The following ZMIZ1 variants were observed in gnomAD, a reference collection of about 807,000 sequenced individuals.
The protein encoded by ZMIZ1 is zinc finger MIZ-type containing 1, also known as zinc finger MIZ domain-containing protein 1.
ZMIZ1 carries 17 observed loss-of-function variants against 113.9 expected under a neutral mutation model. That is an observed-to-expected ratio of 0.15 (90% confidence interval 0.10 to 0.22). The LOEUF is 0.22. ZMIZ1 is among the 10% of genes least tolerant of loss of function. The probability of loss-of-function intolerance (pLI) is 1.00; values close to 1 mark genes in which losing one functional copy is unlikely to be tolerated. For missense variants in ZMIZ1, 1,059 were observed against 1,477.8 expected, an observed-to-expected ratio of 0.72 and a Z score of 4.65; for synonymous variants, 607 against 603.1, an observed-to-expected ratio of 1.01 and a Z score of -0.09.
intron 3 of ZMIZ1, among the ~76,000 whole-genome samples, chr10:79,156,478 G>T (rs1219994374): frequency 6.6e-6 from 1 of 152,202 alleles, no homozygotes; most frequent in Non-Finnish European, 1.5e-5. Flanking sequence ...CTTCCCAGCA[G>T]GTCAGCCCAG....
chr10:79,086,766 T>C (rs1316375570), intron 1 of ZMIZ1, among the ~76,000 whole-genome samples: 1 of 152,120 alleles, frequency 6.6e-6, no homozygotes, highest in Admixed American at 6.5e-5. Context: ...TTTTTATTTT[T>C]ATTTTTTTTA....
intron 7 of ZMIZ1, among the ~76,000 whole-genome samples, chr10:79,267,360 A>G (rs985524517): frequency 2.0e-5 from 3 of 152,246 alleles, no homozygotes; most frequent in African/African-American, 7.2e-5. Flanking sequence ...GCAATTTTCT[A>G]CAGTACTTAG....
intron 2 of ZMIZ1, among the ~76,000 whole-genome samples, chr10:79,122,013 GA>G (rs890599898): frequency 1.9e-4 from 29 of 151,202 alleles, no homozygotes; most frequent in Non-Finnish European, 1.5e-5. Context: ...CTTTGTTCAT[GA>G]ATTACAAAGG....
At chr10:79,164,113 T>C (rs1434276675) in intron 4 of ZMIZ1, among the ~76,000 whole-genome samples, 1 of 152,152 alleles carries the variant, frequency 6.6e-6, no homozygotes, top group Admixed American at 6.5e-5. Flanking sequence ...ATCAATACCT[T>C]GGTGTCCTAG....
intron 7 of ZMIZ1, among the ~76,000 whole-genome samples, chr10:79,263,744 G>C (rs908316520): frequency 6.6e-6 from 1 of 152,104 alleles, no homozygotes; most frequent in Admixed American, 6.5e-5. Context: ...CAAATCAAGG[G>C]AGTACATGAC....
chr10:79,221,657 A>G (rs1399803295), intron 7 of ZMIZ1, among the ~76,000 whole-genome samples: 1 of 152,094 alleles, frequency 6.6e-6, no homozygotes, highest in Admixed American at 6.6e-5. Context: ...ACCAAGCACC[A>G]GGCAGTCGCC....
chr10:79,087,969 G>T (rs1324021207), intron 1 of ZMIZ1, among the ~76,000 whole-genome samples: 1 of 152,202 alleles, frequency 6.6e-6, no homozygotes, highest in African/African-American at 2.4e-5. Flanking sequence ...CTGGCTCCCT[G>T]TCACCCAGCA....
chr10:79,289,205 G>A (rs1252668375), intron 8 of ZMIZ1, among the ~76,000 whole-genome samples: 4 of 152,138 alleles, frequency 2.6e-5, no homozygotes, highest in Non-Finnish European at 5.9e-5. Context: ...TGTGCAGCAG[G>A]TAGGCCTGTA....
chr10:79,092,589 G>A (rs944798981), intron 1 of ZMIZ1, among the ~76,000 whole-genome samples: 1 of 152,226 alleles, frequency 6.6e-6, no homozygotes, highest in Non-Finnish European at 1.5e-5. Flanking sequence ...CTCCTTATAA[G>A]CCTTGGAACC....
intron 4 of ZMIZ1, among the ~76,000 whole-genome samples, chr10:79,199,506 A>C (rs1158719853): frequency 7.0e-6 from 1 of 141,930 alleles, no homozygotes; most frequent in Non-Finnish European, 1.5e-5. Context: ...ACTCCATCTC[A>C]AAAAAAAAAA....
intron 1 of ZMIZ1, among the ~76,000 whole-genome samples, chr10:79,080,023 GGTT>G (rs1220763468): frequency 2.0e-5 from 3 of 152,326 alleles, no homozygotes; most frequent in East Asian, 1.9e-4. Context: ...CCTTAGCTGG[GGTT>G]GTTGTGCTGT....
chr10:79,292,345 C>G lies in ZMIZ1; in HGVS notation c.946C>G (p.Gln316Glu). 1 of 1,606,846 alleles carries G rather than the reference C, an allele frequency of 6.2e-7. No homozygotes were observed. The highest frequency in any genetic ancestry group is 8.5e-7 in the Non-Finnish European group (1 of 1,174,462). ...GGAGACACAGAACAAGGATATAAAC[C>G]AGTATGGACCGGTAAGGGTTCCCAC... ...LQETQNKDIN[Q>E]YGPMGPTQAY... The change falls in exon 11 of 25, where the codon CAG becomes GAG. Residue 316 changes from glutamine (Q) to glutamate (E), a missense_variant. Physicochemically the swap from Gln to Glu is conservative, Grantham distance 29 (BLOSUM62 2). Around this residue, in one of 6 missense-constraint regions of ZMIZ1, gnomAD observed 83 missense variants for 103.7 expected, o/e 0.80. Coordinates refer to ENST00000334512, the MANE Select transcript of ZMIZ1 (RefSeq NM_020338.4).
intron 6 of ZMIZ1, among the ~76,000 whole-genome samples, chr10:79,209,300 G>C (rs1051686492): frequency 6.6e-6 from 1 of 152,202 alleles, no homozygotes; most frequent in Non-Finnish European, 1.5e-5. Context: ...AGGAAGGGTC[G>C]AGGCTGCAAG....
chr10:79,305,574 T>A lies in ZMIZ1; in HGVS notation c.2396T>A (p.Met799Lys). ...GAGGGCCTGGAGGTGGATCAGTACA[T>A]GTGGGGAATCCTGAATGCCATCCAA... ...LLEGLEVDQY[M>K]WGILNAIQHS... The change falls in exon 21 of 25, where the codon ATG (methionine) becomes AAG (lysine). Residue 799 changes from methionine (M) to lysine (K), a missense_variant. Physicochemically the swap from Met to Lys is moderately conservative, Grantham distance 95. Coordinates refer to ENST00000334512, the MANE Select transcript of ZMIZ1 (RefSeq NM_020338.4). 2 of 1,613,952 alleles carry A rather than the reference T, an allele frequency of 1.2e-6. No individual in the cohort carries two copies. Among genetic ancestry groups the A allele is most frequent in the Non-Finnish European group, 1.7e-6 (2 of 1,179,956 alleles).
rs561713446 is a variant in ZMIZ1, at chr10:79,122,392, C to T, written c.-227+3368C>T. 1.8e-4 allele frequency among the ~76,000 whole-genome samples: 27 copies of T among 152,268 alleles called. 1 individual carries two copies. In the South Asian group the frequency reaches 4.6e-3, roughly 26 times the overall value. ...CTGACCCACCCCATTTACCTTCCAG[C>T]GCTGCCCCTGTCTACCTTGGTGGCC... On this transcript the variant is annotated intron_variant, in intron 2 of 24. Transcript: ENST00000334512.
intron 7 of ZMIZ1, among the ~76,000 whole-genome samples, chr10:79,220,231 T>G (rs937318774): frequency 6.6e-6 from 1 of 152,160 alleles, no homozygotes; most frequent in South Asian, 2.1e-4. Flanking sequence ...GGGGCCCAGC[T>G]AATACCTGAC....
At chr10:79,132,312 G>T (rs1477299992) in intron 2 of ZMIZ1, among the ~76,000 whole-genome samples, 1 of 152,168 alleles carries the variant, frequency 6.6e-6, no homozygotes, top group Non-Finnish European at 1.5e-5. Flanking sequence ...CCTCCTACAA[G>T]GGTAATACAT....
chr10:79,236,752 T>A (rs1234416507), intron 7 of ZMIZ1, among the ~76,000 whole-genome samples: 1 of 152,170 alleles, frequency 6.6e-6, no homozygotes, highest in Admixed American at 6.5e-5. Flanking sequence ...TCACTGTGCA[T>A]TCAATCATTC....
chr10:79,125,663 C>T (rs1844480683), intron 2 of ZMIZ1, among the ~76,000 whole-genome samples: 2 of 152,226 alleles, frequency 1.3e-5, no homozygotes, highest in African/African-American at 2.4e-5. Context: ...GAAGCCTCAG[C>T]GACCTTGCAG....
Sources: gnomAD v4.1 joint callset for allele counts (sites outside exome capture counted in the v4.1 genomes callset) on GRCh38, gnomAD v4.1.1 for gene constraint, gnomAD v4.1.1 regional missense constraint, MANE v1.5 for transcripts, NCBI Gene and HGNC (gene_info 2026-07-23, HGNC 2026-07-21) for gene names.